Variants in CFAP91 observed in about 807,000 individuals in gnomAD.
The protein encoded by CFAP91 is cilia and flagella associated protein 91, also known as cilia- and flagella-associated protein 91.
CFAP91 carries 85 observed loss-of-function variants against 95.9 expected under a neutral mutation model. The ratio of observed to expected loss-of-function variants is 0.89; its 90% CI spans 0.74 to 1.06. The LOEUF is 1.06. Ranked by LOEUF, CFAP91 falls within the 50% of genes least tolerant of loss-of-function variation. The pLI is 0.00. For missense variants in CFAP91, 962 were observed against 943.4 expected (o/e 1.02, Z -0.26); for synonymous variants, 335 against 327.5 (o/e 1.02, Z -0.25).
In CFAP91 at chr3:119,747,134, G is replaced by GTACT; in HGVS notation, c.1923_1926dup (p.Ile643TyrfsTer31). 1 of 1,607,472 alleles carries GTACT rather than the reference G, an allele frequency of 6.2e-7. No homozygotes were observed. The highest frequency in any genetic ancestry group is 8.5e-7 in the Non-Finnish European group (1 of 1,177,268). ...TTGCAGGTGGTTAAAGTTCACCATA[G>GTACT]TACTATAAGCTCCTACCTAGAAGAC... On this transcript the variant is annotated frameshift_variant, in exon 15 of 18. Coordinates refer to ENST00000273390, the MANE Select transcript of CFAP91 (RefSeq NM_033364.4). LOFTEE classifies it high-confidence loss of function.
At chr3:119,724,675 A>G (rs930438676) in intron 6 of CFAP91, among the ~76,000 whole-genome samples, 2 of 152,166 alleles carry the variant, frequency 1.3e-5, no homozygotes, top group African/African-American at 4.8e-5. Flanking sequence ...TGGGAAGGTG[A>G]TCAGAATGAG....
intron 7 of CFAP91, among the ~76,000 whole-genome samples, chr3:119,729,510 G>A (rs939401721): frequency 6.6e-6 from 1 of 151,996 alleles, no homozygotes; most frequent in Admixed American, 6.5e-5. Flanking sequence ...CAGGTGTGGT[G>A]GTGGGTGCCT....
At chr3:119,733,282 A>T in intron 9 of CFAP91, 82 bp from the exon 10 acceptor site, 1 of 1,450,866 alleles carries the variant, frequency 6.9e-7, no homozygotes, top group Admixed American at 2.2e-5. Flanking sequence ...TGCTTGGCAA[A>T]CAGCTACAAA....
At chr3:119,719,742 G>C (rs1311254726) in intron 6 of CFAP91, among the ~76,000 whole-genome samples, 1 of 152,210 alleles carries the variant, frequency 6.6e-6, no homozygotes, top group Non-Finnish European at 1.5e-5. Context: ...AAGGGGGACA[G>C]AGTAACTACA....
chr3:119,739,157 G>A (rs910134573), intron 11 of CFAP91, 98 bp from the exon 12 acceptor site: 2 of 958,612 alleles, frequency 2.1e-6, no homozygotes, highest in South Asian at 2.6e-5. Flanking sequence ...TTGGCATCTA[G>A]CACAGTCTGT....
intron 11 of CFAP91, among the ~76,000 whole-genome samples, chr3:119,738,687 A>G (rs2054059981): frequency 6.6e-6 from 1 of 152,068 alleles, no homozygotes. Flanking sequence ...AATGTCATCG[A>G]TTAGACTGCT....
chr3:119,706,520 T>C, intron 1 of CFAP91: 1 of 297,186 alleles, frequency 3.4e-6, no homozygotes, highest in East Asian at 6.4e-5. Flanking sequence ...GAAGAAAGTG[T>C]GTTCAGGGTG....
At position 119,737,437 on chromosome 3, in the gene CFAP91, A is replaced by G. The variant is rs746343420; in HGVS notation, c.1416A>G (p.Ile472Met). ...CTCGCTTCCTTCAAAGAAACCCAAT[A>G]CCTCAACCTCGGCTTCCAACTCCAA... ...KPPRFLQRNP[I>M]PQPRLPTPTL... The change falls in exon 11 of 18, where the codon ATA becomes ATG. Residue 472 changes from isoleucine to methionine, a missense_variant. Physicochemically the swap from Ile to Met is conservative, Grantham distance 10 (BLOSUM62 1). Transcript: ENST00000273390. 2 of 1,611,530 alleles carry G rather than the reference A, an allele frequency of 1.2e-6. No homozygotes were observed. The highest frequency in any genetic ancestry group is 1.7e-5 in the Admixed American group (1 of 59,530).
intron 5 of CFAP91, among the ~76,000 whole-genome samples, chr3:119,710,524 G>A (rs1238259695): frequency 6.6e-6 from 1 of 152,152 alleles, no homozygotes; most frequent in Non-Finnish European, 1.5e-5. Flanking sequence ...TTAATACCAC[G>A]ACAATGGGGA....
Position 119,748,268 on chromosome 3 carries a change from G to A in CFAP91, c.2143+366G>A, listed in dbSNP as rs188321278. ...TAGCAGCCTTTCAGAGGCAGGACAC[G>A]TGAACCGTGAATGTTAAAAAGGAAG... On this transcript the variant is annotated intron_variant, in intron 16 of 17. Transcript: ENST00000273390. 1.6e-4 allele frequency among the ~76,000 whole-genome samples: 24 copies of A among 152,282 alleles called. No individual in the cohort carries two copies. The East Asian group carries it at 4.4e-3, about 28-fold the overall frequency.
intron 6 of CFAP91, among the ~76,000 whole-genome samples, chr3:119,719,433 GA>G (rs2053640165): frequency 6.6e-6 from 1 of 151,552 alleles, no homozygotes; most frequent in Non-Finnish European, 1.5e-5. Flanking sequence ...AAAGATAAGG[GA>G]AAAATAACGA....
At chr3:119,742,808 G>T (rs995226128) in intron 13 of CFAP91, among the ~76,000 whole-genome samples, 2 of 152,158 alleles carry the variant, frequency 1.3e-5, no homozygotes, top group African/African-American at 4.8e-5. Context: ...CTTGACTGAT[G>T]CTTTTACCCA....
intron 6 of CFAP91, among the ~76,000 whole-genome samples, chr3:119,719,245 C>T (rs2053636144): frequency 6.6e-6 from 1 of 152,130 alleles, no homozygotes; most frequent in African/African-American, 2.4e-5. Context: ...CCAGTCAAAA[C>T]TAAATTAACG....
chr3:119,723,933 G>A (rs114036076), intron 6 of CFAP91, among the ~76,000 whole-genome samples: 70 of 151,994 alleles, frequency 4.6e-4, no homozygotes, highest in Non-Finnish European at 9.3e-4. Flanking sequence ...GCTGAAGCTA[G>A]CAGATCACCT....
In CFAP91 at chr3:119,715,665, A is replaced by G; in HGVS notation, c.604A>G (p.Thr202Ala). ...TGATTATCGGGATGCTGACGTTCAA[A>G]CAGATCCATACTCTGCAGAATATGT... is the stretch of plus-strand genomic sequence containing the variant. ...QTDYRDADVQTDPYSAEYVVC... is the reference protein window; with the variant it reads ...QTDYRDADVQADPYSAEYVVC... Residue 202 changes from threonine to alanine, a missense_variant, in exon 6 of 18, where the codon ACA becomes GCA. Thr to Ala is a moderately conservative substitution (Grantham distance 58). Transcript: ENST00000273390. 1.2e-6 allele frequency: 2 copies of G among 1,613,778 alleles called. No homozygotes were observed. The highest frequency in any genetic ancestry group is 8.5e-7 in the Non-Finnish European group (1 of 1,179,682).
intron 1 of CFAP91, chr3:119,706,552 A>T: frequency 2.3e-6 from 1 of 437,472 alleles, no homozygotes; most frequent in Non-Finnish European, 4.1e-6. Flanking sequence ...AACATGCTAG[A>T]CTTTCTTTAT....
chr3:119,746,761 A>C (rs1276420810), intron 14 of CFAP91, among the ~76,000 whole-genome samples: 2 of 152,198 alleles, frequency 1.3e-5, no homozygotes, highest in African/African-American at 4.8e-5. Flanking sequence ...AGTCTGTGCT[A>C]CAGTTAGATA....
intron 5 of CFAP91, among the ~76,000 whole-genome samples, chr3:119,715,169 G>A (rs966750112): frequency 6.6e-6 from 1 of 152,022 alleles, no homozygotes; most frequent in Non-Finnish European, 1.5e-5. Flanking sequence ...CATATTTCTG[G>A]AGGGAAACAG....
chr3:119,720,907 T>C (rs531910619), intron 6 of CFAP91, among the ~76,000 whole-genome samples: 104 of 151,886 alleles, frequency 6.8e-4, no homozygotes, highest in African/African-American at 2.4e-3. Context: ...TATTATACTG[T>C]ATTGTTTAGG....
Sources: gnomAD v4.1 joint callset for allele counts (sites outside exome capture counted in the v4.1 genomes callset) on GRCh38, gnomAD v4.1.1 for gene constraint, MANE v1.5 for transcripts, NCBI Gene and HGNC (gene_info 2026-07-23, HGNC 2026-07-21) for gene names.